CDC42BPB: variants seen among roughly 807,000 people sequenced by gnomAD.
CDC42BPB encodes the protein CDC42 binding protein kinase beta.
CDC42BPB carries 37 observed loss-of-function variants against 214.9 expected under a neutral mutation model. That is an observed-to-expected ratio of 0.17 (90% CI 0.13 to 0.23). CDC42BPB has a LOEUF of 0.23. Ranked by LOEUF, CDC42BPB falls within the 10% of genes least tolerant of loss-of-function variation. The pLI is 1.00. For missense variants in CDC42BPB, 1,694 were observed against 2,227.0 expected (o/e 0.76, Z 4.82); for synonymous variants, 931 against 884.0 (o/e 1.05, Z -0.94).
In CDC42BPB at chr14:102,988,397, A is replaced by G. The variant is rs914033857; in HGVS notation, c.597-1817T>C. Among the ~76,000 whole-genome samples the G allele has an allele frequency of 8.5e-5, 13 of 152,086 alleles. 1 individual carries two copies. The highest frequency in any genetic ancestry group is 2.4e-4 in the African/African-American group (10 of 41,528). On this transcript the variant is annotated intron_variant, in intron 5 of 36. Transcript: ENST00000361246. ...ACCTGAATCTAGAATGAGAGGGCCCATAAGATTAAAAAAAAGAAAATATCA... is the reference window on the plus strand; with the variant it reads ...ACCTGAATCTAGAATGAGAGGGCCCGTAAGATTAAAAAAAAGAAAATATCA...
At chr14:102,961,806 G>C (rs1045803147) in intron 20 of CDC42BPB, among the ~76,000 whole-genome samples, 1 of 152,178 alleles carries the variant, frequency 6.6e-6, no homozygotes, top group Non-Finnish European at 1.5e-5. Context: ...GCCTCCCGAA[G>C]TGTTGGGATT....
intron 30 of CDC42BPB, chr14:102,941,028 T>G: frequency 5.1e-6 from 4 of 785,644 alleles, no homozygotes; most frequent in Non-Finnish European, 6.2e-6. Flanking sequence ...TGCAAAGCCT[T>G]TGGCCATTTG....
intron 25 of CDC42BPB, 141 bp downstream of exon 25, chr14:102,950,325 C>T (rs1233328608): frequency 5.0e-6 from 6 of 1,190,194 alleles, no homozygotes; most frequent in East Asian, 2.3e-5. Context: ...GGCCTCAGTG[C>T]CCAGGAGGGT....
At chr14:102,966,976 A>T in intron 17 of CDC42BPB, 70 bp downstream of exon 17, 1 of 1,548,484 alleles carries the variant, frequency 6.5e-7, no homozygotes. Context: ...ATCAGGCAGA[A>T]GAGGCGGGGC....
chr14:102,942,847 G>A (rs912206385), intron 30 of CDC42BPB, among the ~76,000 whole-genome samples: 1 of 152,030 alleles, frequency 6.6e-6, no homozygotes, highest in African/African-American at 2.4e-5. Flanking sequence ...TGGGACTACA[G>A]GCATGTGGCA....
chr14:102,944,263 C>T lies in CDC42BPB; in HGVS notation c.4036G>A (p.Val1346Met). The T allele has an allele frequency of 6.2e-7, 1 of 1,613,280 alleles. No homozygotes were observed. The highest frequency in any genetic ancestry group is 8.5e-7 in the Non-Finnish European group (1 of 1,180,046). Reference protein sequence around the residue: ...LKRNSGTCLFVAVKRLILCYE... With the variant: ...LKRNSGTCLFMAVKRLILCYE... Reference sequence around the variant, plus strand: ...CAAAGGATCAGCCGTTTCACGGCCACAAACAGGCAGGTGCCAGAGTTCCTC... The same window carrying T: ...CAAAGGATCAGCCGTTTCACGGCCATAAACAGGCAGGTGCCAGAGTTCCTC... The change falls in exon 30 of 37, where the codon GTG (valine) becomes ATG (methionine). Residue 1346 changes from valine (V) to methionine (M), a missense_variant. Physicochemically the swap from Val to Met is conservative, Grantham distance 21. This residue lies in a region of CDC42BPB where 567 missense variants were observed against 790.3 expected (regional missense o/e 0.72). Coordinates refer to ENST00000361246, the MANE Select transcript of CDC42BPB (RefSeq NM_006035.4). The surrounding 1 kb of genome is among the most constrained non-coding windows in gnomAD (Gnocchi z 6.6).
intron 1 of CDC42BPB, among the ~76,000 whole-genome samples, chr14:103,018,841 T>C (rs904330698): frequency 6.6e-6 from 1 of 152,136 alleles, no homozygotes; most frequent in African/African-American, 2.4e-5. Flanking sequence ...CCAGCTTCCA[T>C]GGGGATGGGG....
chr14:102,964,660 C>T lies in CDC42BPB; in HGVS notation c.2578-10G>A, dbSNP rs769307970. On this transcript the variant is annotated splice_polypyrimidine_tract_variant and intron_variant, in intron 18 of 36. Coordinates refer to ENST00000361246, the MANE Select transcript of CDC42BPB (RefSeq NM_006035.4). ...CCTTCCACAGCGGGTCCTTGAGACACGGTCATGGCGTTAAAAATGCATTTT... is the reference window on the plus strand; with the variant it reads ...CCTTCCACAGCGGGTCCTTGAGACATGGTCATGGCGTTAAAAATGCATTTT... 2.2e-5 allele frequency: 35 copies of T among 1,584,186 alleles called. 1 individual carries two copies. In the Middle Eastern group the frequency reaches 3.0e-3, roughly 136 times the overall value.
At chr14:103,052,848 A>C (rs907994893) in intron 1 of CDC42BPB, among the ~76,000 whole-genome samples, 2 of 152,212 alleles carry the variant, frequency 1.3e-5, no homozygotes, top group Non-Finnish European at 2.9e-5. Flanking sequence ...CATCAGCTCC[A>C]TCCAAACGCA....
chr14:102,962,470 C>T (rs1490458251), intron 20 of CDC42BPB, among the ~76,000 whole-genome samples: 1 of 152,226 alleles, frequency 6.6e-6, no homozygotes, highest in East Asian at 1.9e-4. Context: ...GGTGGCCCCT[C>T]CAGCACAAAA....
intron 2 of CDC42BPB, among the ~76,000 whole-genome samples, chr14:103,008,891 T>C (rs34324543): frequency 0.034 from 5,228 of 152,328 alleles, 143 homozygotes; most frequent in Non-Finnish European, 0.049. Context: ...CCCAGCACAC[T>C]GTGGGGCACA....
chr14:102,963,913 G>C (rs1893070048), intron 19 of CDC42BPB, among the ~76,000 whole-genome samples: 1 of 152,216 alleles, frequency 6.6e-6, no homozygotes. Flanking sequence ...CCTGCCTCAT[G>C]GCACAGCAGA....
Position 102,944,196 on chromosome 14 carries a change from T to C in CDC42BPB, c.4103A>G (p.Asn1368Ser), listed in dbSNP as rs199903511. 1.5e-5 allele frequency: 24 copies of C among 1,613,330 alleles called. No individual in the cohort carries two copies. The highest frequency in any genetic ancestry group is 3.3e-5 in the Admixed American group (2 of 60,024). The stretch of plus-strand genomic sequence containing the variant: ...CACGCTGCCGGGAGCCACAATCTCA[T>C]TGAACTTTCTGTGGAATGGCTTCGT... ...QRTKPFHRKF[N>S]EIVAPGSVQC... is the part of the protein sequence containing the mutation. Residue 1368 changes from asparagine to serine, a missense_variant, in exon 30 of 37, where the codon AAT becomes AGT. Around this residue, in one of 7 missense-constraint regions of CDC42BPB, gnomAD observed 567 missense variants for 790.3 expected, o/e 0.72. Coordinates refer to ENST00000361246, the MANE Select transcript of CDC42BPB (RefSeq NM_006035.4). This position sits in a 1 kb window ranked among gnomAD's most constrained non-coding sequence, Gnocchi z 6.6.
rs1196345759 is a variant in CDC42BPB at position 102,975,235 on chromosome 14, C to T, written c.1507+449G>A. Among the ~76,000 whole-genome samples, 3 of 152,102 alleles carry T rather than the reference C, an allele frequency of 2.0e-5. No homozygotes were observed. In the East Asian group the frequency reaches 5.8e-4, roughly 29 times the overall value. The stretch of plus-strand genomic sequence containing the variant: ...TAAAATAATATCATTAGAACTAAGC[C>T]AATTGGGGCTGGGCGCAGTGGCTCA... On this transcript the variant is annotated intron_variant, in intron 11 of 36. Transcript: ENST00000361246.
chr14:103,047,762 G>C (rs182121248), intron 1 of CDC42BPB, among the ~76,000 whole-genome samples: 29 of 152,096 alleles, frequency 1.9e-4, no homozygotes, highest in African/African-American at 6.8e-4. Flanking sequence ...AAATTAGCTG[G>C]GTGTGGTGGT....
chr14:103,052,663 T>C (rs1457349551), intron 1 of CDC42BPB, among the ~76,000 whole-genome samples: 2 of 151,984 alleles, frequency 1.3e-5, no homozygotes, highest in Non-Finnish European at 2.9e-5. Flanking sequence ...ATTCTATTCA[T>C]GAAGAGGAAG....
chr14:103,032,336 C>T (rs1887429032), intron 1 of CDC42BPB, among the ~76,000 whole-genome samples: 1 of 151,264 alleles, frequency 6.6e-6, no homozygotes, highest in East Asian at 1.9e-4. Context: ...ACTGCAACAT[C>T]TGAAATGAAA....
At position 102,952,424 on chromosome 14, in the gene CDC42BPB, GA is replaced by G. The variant is rs552671578; in HGVS notation, c.3172+73del. The G allele has an allele frequency of 4.2e-4, 384 of 909,660 alleles. 6 individuals carry two copies. In the East Asian group the frequency reaches 9.9e-3, roughly 23 times the overall value. The allele number at this position is 909,660 out of a possible 1,614,324, so 56.3% of individuals were successfully genotyped here. A position where few individuals can be genotyped will look rare whatever the true frequency, so the allele number is the denominator to read the frequency against. On this transcript the variant is annotated intron_variant, in intron 24 of 36. Transcript: ENST00000361246. ...GTTTGCTTGCATCAGGGCTGCCCTG[GA>G]GCCGGCTGGTGCCCTTAGCTGCAGG...
At chr14:102,968,094 CA>C (rs1218272395) in intron 16 of CDC42BPB, among the ~76,000 whole-genome samples, 158 bp downstream of exon 16, 46 of 133,430 alleles carry the variant, frequency 3.4e-4, no homozygotes, top group Middle Eastern at 3.8e-3. Flanking sequence ...GACTCCATCT[CA>C]AAAAAAAAAA....
Sources: gnomAD v4.1 joint callset for allele counts (sites outside exome capture counted in the v4.1 genomes callset) on GRCh38, gnomAD v4.1.1 for gene constraint, gnomAD v4.1.1 regional missense constraint, Gnocchi (gnomAD v3.1) non-coding constraint, MANE v1.5 for transcripts, NCBI Gene and HGNC (gene_info 2026-07-23, HGNC 2026-07-21) for gene names.